The following GAREM1 variants were observed in gnomAD, a reference collection of about 807,000 sequenced individuals.
GAREM1 encodes GRB2-associated and regulator of MAPK protein 1.
In GAREM1, 26 loss-of-function variants were observed where a neutral mutation model predicts 71.3. The observed-to-expected ratio is 0.36, with a 90% CI of 0.27 to 0.51. The LOEUF (loss-of-function observed/expected upper bound fraction) is 0.51. Among genes scored for constraint, GAREM1 ranks in the 20% least tolerant of loss-of-function variants. GAREM1 has a pLI of 0.95. For synonymous variants in GAREM1, 440 were observed against 433.2 expected (o/e 1.02, Z -0.20); for missense variants, 1,026 against 1,103.1 (o/e 0.93, Z 0.99).
At chr18:32,374,623 A>G (rs2048015408) in intron 2 of GAREM1, among the ~76,000 whole-genome samples, 1 of 152,220 alleles carries the variant, frequency 6.6e-6, no homozygotes, top group African/African-American at 2.4e-5. Flanking sequence ...GTAGAGGATG[A>G]AAGGTAAAAT....
intron 4 of GAREM1, among the ~76,000 whole-genome samples, chr18:32,274,253 T>C (rs1405483022): frequency 6.6e-6 from 1 of 152,166 alleles, no homozygotes; most frequent in Non-Finnish European, 1.5e-5. Context: ...TTAGTTCCTA[T>C]CTCTTACTCT....
chr18:32,457,355 T>C (rs1225857672), intron 1 of GAREM1, among the ~76,000 whole-genome samples: 1 of 151,920 alleles, frequency 6.6e-6, no homozygotes, highest in African/African-American at 2.4e-5. Flanking sequence ...AAATTCTTCA[T>C]AATATATATG....
chr18:32,434,765 C>T (rs1007172820), intron 1 of GAREM1, among the ~76,000 whole-genome samples: 2 of 151,956 alleles, frequency 1.3e-5, no homozygotes, highest in South Asian at 2.1e-4. Context: ...ACTATAATAC[C>T]GCTACAGTTA....
intron 3 of GAREM1, among the ~76,000 whole-genome samples, chr18:32,291,658 C>T (rs946846765): frequency 2.0e-5 from 3 of 151,958 alleles, no homozygotes; most frequent in Non-Finnish European, 4.4e-5. Flanking sequence ...CCCCCACCCC[C>T]CAACAGGCCC....
At chr18:32,432,738 T>C (rs2048636172) in intron 1 of GAREM1, among the ~76,000 whole-genome samples, 1 of 152,090 alleles carries the variant, frequency 6.6e-6, no homozygotes, top group Non-Finnish European at 1.5e-5. Context: ...CCAAACTCCC[T>C]GAAGAAGAAA....
At chr18:32,386,716 C>T (rs181705434) in intron 2 of GAREM1, among the ~76,000 whole-genome samples, 27 of 152,280 alleles carry the variant, frequency 1.8e-4, no homozygotes, top group Admixed American at 1.8e-3. Flanking sequence ...CGCAAATTGG[C>T]AGACCACTGA....
intron 3 of GAREM1, among the ~76,000 whole-genome samples, chr18:32,302,069 A>G (rs1436567712): frequency 6.6e-6 from 1 of 152,340 alleles, no homozygotes; most frequent in African/African-American, 2.4e-5. Flanking sequence ...TATACAAGCT[A>G]TTGTGTCAAA....
At chr18:32,310,916 G>A (rs1433861196) in intron 2 of GAREM1, among the ~76,000 whole-genome samples, 2 of 152,210 alleles carry the variant, frequency 1.3e-5, no homozygotes, top group Admixed American at 6.5e-5. Context: ...GAAGCATGGA[G>A]CAGCAGCAGA....
At chr18:32,312,113 G>C (rs556973514) in intron 2 of GAREM1, among the ~76,000 whole-genome samples, 3 of 152,338 alleles carry the variant, frequency 2.0e-5, no homozygotes, top group African/African-American at 4.8e-5. Context: ...ATGTCTATTG[G>C]ACACGCAAAC....
intron 1 of GAREM1, among the ~76,000 whole-genome samples, chr18:32,470,000 T>C (rs1301062876): frequency 6.6e-6 from 1 of 152,202 alleles, no homozygotes; most frequent in Non-Finnish European, 1.5e-5. Flanking sequence ...GAGTAATTCT[T>C]GCAGGAGGGT....
Position 32,287,763 on chromosome 18 carries a change from G to C in GAREM1, c.834C>G (p.Thr278=). 1 of 1,613,756 alleles carries C rather than the reference G, an allele frequency of 6.2e-7. No individual in the cohort carries two copies. Among genetic ancestry groups the C allele is most frequent in the East Asian group, 2.2e-5 (1 of 44,834 alleles). The change falls in exon 4 of 6, where the codon ACC becomes ACG. Residue 278 remains threonine (T), a synonymous_variant. Transcript: ENST00000269209. The surrounding 1 kb of genome is among the most constrained non-coding windows in gnomAD (Gnocchi z 5.9). ...GCACACAGCAAACCACCACCGTCTTGGTCTGGATGTTCACAAACTTATAGC... is the reference window on the plus strand; with the variant it reads ...GCACACAGCAAACCACCACCGTCTTCGTCTGGATGTTCACAAACTTATAGC... ...GHRYKFVNIQ[T]KTVVVCCVLR...
intron 3 of GAREM1, among the ~76,000 whole-genome samples, chr18:32,308,826 G>C (rs549720009): frequency 3.3e-5 from 5 of 150,214 alleles, no homozygotes; most frequent in Admixed American, 1.3e-4. Context: ...ACTAAAGAGC[G>C]TAGACCAAAG....
intron 4 of GAREM1, among the ~76,000 whole-genome samples, chr18:32,272,402 G>C (rs536951724): frequency 3.9e-4 from 60 of 152,356 alleles, no homozygotes; most frequent in African/African-American, 1.3e-3. Flanking sequence ...CAGTGGGTTG[G>C]TGAAAGGGAA....
chr18:32,346,249 C>A (rs1598978194), intron 2 of GAREM1, among the ~76,000 whole-genome samples: 1 of 152,222 alleles, frequency 6.6e-6, no homozygotes, highest in African/African-American at 2.4e-5. Context: ...ACAAGATCAA[C>A]ATCAACATAT....
chr18:32,306,582 C>T (rs1344700615), intron 3 of GAREM1, among the ~76,000 whole-genome samples: 1 of 152,160 alleles, frequency 6.6e-6, no homozygotes, highest in Non-Finnish European at 1.5e-5. Context: ...TTGAGAATCA[C>T]TGGTACAGGT....
At chr18:32,415,144 A>G (rs1217599652) in intron 1 of GAREM1, among the ~76,000 whole-genome samples, 3 of 152,164 alleles carry the variant, frequency 2.0e-5, no homozygotes, top group Non-Finnish European at 4.4e-5. Context: ...CAATCTACCA[A>G]GAGTGAATTA....
intron 1 of GAREM1, among the ~76,000 whole-genome samples, chr18:32,461,224 C>T (rs751082687): frequency 2.6e-5 from 4 of 152,144 alleles, no homozygotes; most frequent in Non-Finnish European, 4.4e-5. Context: ...TTTGCTCATT[C>T]ATTTATTAAA....
chr18:32,427,481 C>A (rs753584218), intron 1 of GAREM1, among the ~76,000 whole-genome samples: 3 of 152,174 alleles, frequency 2.0e-5, no homozygotes, highest in Non-Finnish European at 4.4e-5. Context: ...AGAGTTCAAT[C>A]TTGAAATGAT....
chr18:32,358,178 C>T (rs372463969), intron 2 of GAREM1, among the ~76,000 whole-genome samples: 9 of 139,238 alleles, frequency 6.5e-5, no homozygotes, highest in East Asian at 4.6e-4. Flanking sequence ...GAGGCTTTCA[C>T]AGGGGACCCT....
Sources: gnomAD v4.1 joint callset for allele counts (sites outside exome capture counted in the v4.1 genomes callset) on GRCh38, gnomAD v4.1.1 for gene constraint, Gnocchi (gnomAD v3.1) non-coding constraint, MANE v1.5 for transcripts, NCBI Gene and HGNC (gene_info 2026-07-23, HGNC 2026-07-21) for gene names.